Variants in INVS observed in about 807,000 individuals in gnomAD.
INVS encodes the protein inversin, also known as inversion of embryo turning homolog.
Under a neutral mutation model 108.8 loss-of-function variants are expected in INVS, and 86 were observed. The ratio of observed to expected loss-of-function variants is 0.79; its 90% confidence interval spans 0.66 to 0.95. The LOEUF (loss-of-function observed/expected upper bound fraction) is 0.95. Among genes scored for constraint, INVS ranks in the 40% least tolerant of loss-of-function variants. The pLI is 0.00. For synonymous variants in INVS, 455 were observed against 473.5 expected, an observed-to-expected ratio of 0.96 and a Z score of 0.51; for missense variants, 1,169 against 1,297.4, an observed-to-expected ratio of 0.90 and a Z score of 1.52.
At chr9:100,105,520 A>G (rs144445027) in intron 2 of INVS, among the ~76,000 whole-genome samples, 203 of 152,194 alleles carry the variant, frequency 1.3e-3, no homozygotes, top group Middle Eastern at 3.4e-3. Context: ...ACAAACTCCT[A>G]CTTATCTTTA....
intron 10 of INVS, 30 bp from the exon 11 acceptor site, chr9:100,264,792 G>C: frequency 1.4e-6 from 2 of 1,401,248 alleles, no homozygotes; most frequent in Non-Finnish European, 2.0e-6. Context: ...ACTTACTCCA[G>C]ATGTACTTGA....
At chr9:100,168,375 T>C (rs1829432638) in intron 3 of INVS, among the ~76,000 whole-genome samples, 2 of 152,192 alleles carry the variant, frequency 1.3e-5, no homozygotes, top group Admixed American at 1.3e-4. Context: ...CCTGTCATAA[T>C]GTTATGATTT....
At chr9:100,253,872 A>G (rs1040187242) in intron 10 of INVS, among the ~76,000 whole-genome samples, 26 of 152,150 alleles carry the variant, frequency 1.7e-4, no homozygotes, top group Non-Finnish European at 3.4e-4. Context: ...GCCGCAATAA[A>G]CATACGTGTG....
chr9:100,159,740 G>C (rs1829109866), intron 3 of INVS, among the ~76,000 whole-genome samples: 1 of 152,080 alleles, frequency 6.6e-6, no homozygotes, highest in Non-Finnish European at 1.5e-5. Flanking sequence ...GAAATTACCA[G>C]GTGTCTCTGC....
In INVS at chr9:100,161,144, G is replaced by T. The variant is rs547307800; in HGVS notation, c.273+34595G>T. 2.5e-3 allele frequency among the ~76,000 whole-genome samples: 386 copies of T among 151,928 alleles called. 2 individuals carry two copies. Among genetic ancestry groups the T allele is most frequent in the Non-Finnish European group, 4.5e-3 (309 of 67,952 alleles). ...TAATCCCAGCACTTTGGGAGGCCGA[G>T]TTGGGGGGATCACCTGCAATAAGGA... is the stretch of plus-strand genomic sequence containing the variant. On this transcript the variant is annotated intron_variant, in intron 3 of 16. Coordinates refer to ENST00000262457, the MANE Select transcript of INVS (RefSeq NM_014425.5).
intron 3 of INVS, among the ~76,000 whole-genome samples, chr9:100,128,368 T>G (rs1827951097): frequency 1.3e-5 from 2 of 152,210 alleles, no homozygotes; most frequent in Admixed American, 6.5e-5. Flanking sequence ...TGCATTTCCT[T>G]CCTTACTCTG....
intron 2 of INVS, chr9:100,116,792 A>C (rs1827545611): frequency 7.0e-7 from 1 of 1,433,470 alleles, no homozygotes; most frequent in South Asian, 1.5e-5. Context: ...AGTCCGCTGC[A>C]CGGAGACTCT....
intron 3 of INVS, among the ~76,000 whole-genome samples, chr9:100,190,566 A>G (rs1830189137): frequency 6.6e-6 from 1 of 152,128 alleles, no homozygotes; most frequent in African/African-American, 2.4e-5. Context: ...AGTAGTGACA[A>G]ATTCTCTCAG....
chr9:100,114,312 GTC>G (rs567461315), intron 2 of INVS, among the ~76,000 whole-genome samples: 28 of 148,448 alleles, frequency 1.9e-4, no homozygotes, highest in Non-Finnish European at 4.0e-4. Flanking sequence ...TCTGTTTTCT[GTC>G]TCTATAGTTT....
At chr9:100,207,111 T>A (rs1830696294) in intron 3 of INVS, among the ~76,000 whole-genome samples, 1 of 152,094 alleles carries the variant, frequency 6.6e-6, no homozygotes, top group Non-Finnish European at 1.5e-5. Context: ...CACTATTTTT[T>A]CCATTGTAAC....
At chr9:100,276,985 A>G (rs957077228) in intron 12 of INVS, among the ~76,000 whole-genome samples, 1 of 152,180 alleles carries the variant, frequency 6.6e-6, no homozygotes, top group African/African-American at 2.4e-5. Flanking sequence ...CCTGGCTAGT[A>G]TATGTGATTA....
chr9:100,143,814 C>T (rs1020373845), intron 3 of INVS, among the ~76,000 whole-genome samples: 1 of 151,994 alleles, frequency 6.6e-6, no homozygotes, highest in Non-Finnish European at 1.5e-5. Context: ...GAAACAGGCC[C>T]TTGAAAAGAA....
At chr9:100,157,704 T>A (rs1255159225) in intron 3 of INVS, among the ~76,000 whole-genome samples, 7 of 152,232 alleles carry the variant, frequency 4.6e-5, no homozygotes, top group Admixed American at 3.9e-4. Flanking sequence ...TTCTAAATTT[T>A]ATTTTGAGCC....
chr9:100,259,275 G>T (rs576099807), intron 10 of INVS, among the ~76,000 whole-genome samples: 2 of 152,120 alleles, frequency 1.3e-5, no homozygotes, highest in Admixed American at 1.3e-4. Flanking sequence ...TGGAAAAAGC[G>T]CAGTATTAGG....
At chr9:100,164,869 ATC>A (rs1017632120) in intron 3 of INVS, among the ~76,000 whole-genome samples, 16 of 143,302 alleles carry the variant, frequency 1.1e-4, no homozygotes, top group Admixed American at 9.6e-4. Context: ...TTCACCCTCC[ATC>A]TCTCTTTGTT....
At chr9:100,119,066 T>A (rs1018570222) in intron 2 of INVS, among the ~76,000 whole-genome samples, 2 of 152,274 alleles carry the variant, frequency 1.3e-5, no homozygotes, top group Non-Finnish European at 2.9e-5. Flanking sequence ...CTCTCAAATC[T>A]GTTCTATTGG....
intron 4 of INVS, among the ~76,000 whole-genome samples, chr9:100,228,759 G>T (rs1041745655): frequency 6.6e-6 from 1 of 152,186 alleles, no homozygotes; most frequent in African/African-American, 2.4e-5. Flanking sequence ...TCCGTGTGCT[G>T]TTTCCTCATC....
At chr9:100,167,270 T>C (rs1198904021) in intron 3 of INVS, among the ~76,000 whole-genome samples, 2 of 152,076 alleles carry the variant, frequency 1.3e-5, no homozygotes, top group African/African-American at 4.8e-5. Context: ...AGACTAAGTA[T>C]TTCCTGTGAT....
chr9:100,271,537 A>C (rs1191211663), intron 11 of INVS, among the ~76,000 whole-genome samples: 1 of 152,252 alleles, frequency 6.6e-6, no homozygotes, highest in Non-Finnish European at 1.5e-5. Context: ...CAAATGGCAT[A>C]TATACATGAA....
Sources: allele counts gnomAD v4.1 joint callset (sites outside exome capture counted in the v4.1 genomes callset), GRCh38; gene constraint gnomAD v4.1.1; transcripts MANE v1.5; gene names NCBI Gene and HGNC (gene_info 2026-07-23, HGNC 2026-07-21).